Variants in KLF13 observed in about 807,000 individuals in gnomAD.
The protein encoded by KLF13 is KLF transcription factor 13.
A neutral mutation model predicts 16.7 loss-of-function variants in KLF13; 8 were observed. The observed-to-expected ratio is 0.48, with a 90% CI of 0.28 to 0.87. KLF13 has a LOEUF of 0.87. Among genes scored for constraint, KLF13 ranks in the 40% least tolerant of loss-of-function variants. KLF13 has a pLI of 0.10. For synonymous variants in KLF13, 245 were observed against 208.4 expected (o/e 1.18, Z -1.51); for missense variants, 447 against 452.2 (o/e 0.99, Z 0.10).
intron 1 of KLF13, among the ~76,000 whole-genome samples, chr15:31,359,883 C>T (rs1038427437): frequency 1.3e-5 from 2 of 152,188 alleles, no homozygotes; most frequent in Non-Finnish European, 2.9e-5. Flanking sequence ...GTTCCAGTAA[C>T]CTTGGGGATG....
rs945947348 is a variant in KLF13 at position 31,327,548 on chromosome 15, C to T, written c.336C>T (p.Gly112=). The change falls in exon 1 of 2, where the codon GGC becomes GGT. Residue 112 remains glycine, a synonymous_variant. Coordinates refer to ENST00000307145, the MANE Select transcript of KLF13 (RefSeq NM_015995.4). ...AGCCCACCTCCCCCGGCGCCGAAGG[C>T]GCGGCGGCCGCGCCCCCCAGCCCGG... The part of the protein sequence containing the change: ...APEPTSPGAE[G]AAAAPPSPAW... The T allele has an allele frequency of 9.0e-7, 1 of 1,109,436 alleles. No individual in the cohort carries two copies. Among genetic ancestry groups the T allele is most frequent in the African/African-American group, 1.7e-5 (1 of 59,510 alleles). 68.7% of individuals were successfully genotyped at this position (1,109,436 alleles called of 1,614,324 possible).
At chr15:31,387,039 G>C (rs973427743) in intron 1 of KLF13, among the ~76,000 whole-genome samples, 1 of 152,202 alleles carries the variant, frequency 6.6e-6, no homozygotes. Context: ...TTCTTGAGAT[G>C]GAATCTACTC....
chr15:31,353,583 A>T (rs925951530), intron 1 of KLF13, among the ~76,000 whole-genome samples: 4 of 152,230 alleles, frequency 2.6e-5, no homozygotes, highest in Admixed American at 2.6e-4. Context: ...TGTTGTCCTC[A>T]GCTGACCTCA....
chr15:31,346,497 G>A (rs1453947799), intron 1 of KLF13, among the ~76,000 whole-genome samples: 1 of 152,172 alleles, frequency 6.6e-6, no homozygotes, highest in African/African-American at 2.4e-5. Flanking sequence ...CCACAGCCAG[G>A]CAGGAGCTCC....
chr15:31,336,363 A>C (rs908617429), intron 1 of KLF13, among the ~76,000 whole-genome samples: 1 of 152,056 alleles, frequency 6.6e-6, no homozygotes, highest in African/African-American at 2.4e-5. Context: ...CAAGCTGTGG[A>C]TGGGGAGGCC....
chr15:31,364,399 G>A (rs2039432641), intron 1 of KLF13, among the ~76,000 whole-genome samples: 1 of 152,218 alleles, frequency 6.6e-6, no homozygotes, highest in Admixed American at 6.5e-5. Context: ...GTGAAGAGTG[G>A]ATAGTAGTGT....
In KLF13 at chr15:31,420,327, A is replaced by G. The variant is rs541020936; in HGVS notation, n.118-15043A>G. Reference sequence around the variant, plus strand: ...CTTTTCAAATGGGTAGGGACCATCCATGGAGCAGCTGGCACAGTGTATGAA... The same window carrying G: ...CTTTTCAAATGGGTAGGGACCATCCGTGGAGCAGCTGGCACAGTGTATGAA... On this transcript the variant is annotated intron_variant and non_coding_transcript_variant, in intron 1 of 1. Coordinates refer to the KLF13 transcript ENST00000558225. The G allele has an allele frequency of 2.2e-4, 227 of 1,016,356 alleles. 4 individuals carry two copies. In the South Asian group the frequency reaches 2.4e-3, roughly 11 times the overall value. 63.0% of individuals were successfully genotyped at this position (1,016,356 alleles called of 1,614,324 possible). A position where few individuals can be genotyped will look rare whatever the true frequency, so the allele number is the denominator to read the frequency against.
At chr15:31,335,586 C>T (rs925042828) in intron 1 of KLF13, among the ~76,000 whole-genome samples, 1 of 152,108 alleles carries the variant, frequency 6.6e-6, no homozygotes, top group Non-Finnish European at 1.5e-5. Flanking sequence ...ACAAACAAGA[C>T]AGCACACTTG....
intron 1 of KLF13, among the ~76,000 whole-genome samples, chr15:31,332,236 A>G (rs1461281747): frequency 6.6e-6 from 1 of 152,174 alleles, no homozygotes; most frequent in East Asian, 1.9e-4. Context: ...AAGAGACCAC[A>G]CTTGTTAGTC....
Position 31,423,005 on chromosome 15 carries a change from C to G in KLF13, n.118-12365C>G, listed in dbSNP as rs372773827. On this transcript the variant is annotated intron_variant and non_coding_transcript_variant, in intron 1 of 1. Transcript: ENST00000558225. Reference sequence around the variant, plus strand: ...TGAGCTGAGATCACGCCACTGCACTCCAGCCTGGGTGAGAGTGAGACTCCT... The same window carrying G: ...TGAGCTGAGATCACGCCACTGCACTGCAGCCTGGGTGAGAGTGAGACTCCT... Among the ~76,000 whole-genome samples, 21 of 149,846 alleles carry G rather than the reference C, an allele frequency of 1.4e-4. No homozygotes were observed. The East Asian group carries it at 3.6e-3, about 26-fold the overall frequency.
At chr15:31,356,918 A>G (rs1297188177) in intron 1 of KLF13, among the ~76,000 whole-genome samples, 5 of 152,060 alleles carry the variant, frequency 3.3e-5, no homozygotes, top group Admixed American at 2.0e-4. Context: ...GCATCTGGAA[A>G]ACATTCTTGC....
chr15:31,343,595 G>C (rs896657404), intron 1 of KLF13, among the ~76,000 whole-genome samples: 2 of 152,232 alleles, frequency 1.3e-5, no homozygotes, highest in Non-Finnish European at 2.9e-5. Flanking sequence ...CATGCCGTCA[G>C]TCTCCTGAAC....
chr15:31,396,262 A>G (rs2039951025), intron 2 of KLF13, among the ~76,000 whole-genome samples: 1 of 152,152 alleles, frequency 6.6e-6, no homozygotes, highest in African/African-American at 2.4e-5. Context: ...ACTTCAGGTG[A>G]TCTGCCCACT....
chr15:31,331,586 C>T (rs1353732367), intron 1 of KLF13, among the ~76,000 whole-genome samples: 1 of 152,214 alleles, frequency 6.6e-6, no homozygotes, highest in Non-Finnish European at 1.5e-5. Context: ...GTGGGATCTC[C>T]TTTACCCAGG....
downstream of KLF13, among the ~76,000 whole-genome samples, chr15:31,404,939 CT>C (rs1335888530): frequency 6.6e-6 from 1 of 152,178 alleles, no homozygotes; most frequent in Non-Finnish European, 1.5e-5. Flanking sequence ...GGGGGGAGCT[CT>C]TTGCTCTAAT....
At chr15:31,350,223 C>T (rs560201497) in intron 1 of KLF13, among the ~76,000 whole-genome samples, 1 of 152,316 alleles carries the variant, frequency 6.6e-6, no homozygotes, top group Non-Finnish European at 1.5e-5. Context: ...GCATCCTGGA[C>T]CCACGGATCC....
At chr15:31,407,388 AG>A, downstream of KLF13, among the ~76,000 whole-genome samples, 1 of 152,138 alleles carries the variant, frequency 6.6e-6, no homozygotes, top group African/African-American at 2.4e-5. Context: ...AGATAAGGGG[AG>A]GGGGTGGCAC....
intron 2 of KLF13, among the ~76,000 whole-genome samples, chr15:31,398,071 C>T (rs1311163594): frequency 6.6e-6 from 1 of 152,184 alleles, no homozygotes; most frequent in East Asian, 1.9e-4. Context: ...GCTAGGCCTG[C>T]GTCTCTGCTC....
downstream of KLF13, among the ~76,000 whole-genome samples, chr15:31,381,024 T>C (rs759182695): frequency 1.3e-5 from 2 of 151,892 alleles, no homozygotes; most frequent in African/African-American, 2.4e-5. Context: ...ATACAAAAAT[T>C]AGCCGGGCAT....
Sources: allele counts gnomAD v4.1 joint callset (sites outside exome capture counted in the v4.1 genomes callset), GRCh38; gene constraint gnomAD v4.1.1; transcripts MANE v1.5; gene names NCBI Gene and HGNC (gene_info 2026-07-23, HGNC 2026-07-21).